The following FERMT2 variants were observed in gnomAD, a reference collection of about 807,000 sequenced individuals.
FERMT2 encodes fermitin family homolog 2.
FERMT2 carries 15 observed loss-of-function variants against 82.7 expected under a neutral mutation model. The observed-to-expected ratio is 0.18, with a 90% CI of 0.12 to 0.28. The LOEUF (loss-of-function observed/expected upper bound fraction) is 0.28, where lower values mean the gene tolerates loss of function less well. Among genes scored for constraint, FERMT2 ranks in the 10% least tolerant of loss-of-function variants. The probability of loss-of-function intolerance (pLI) is 1.00; values close to 1 mark genes in which losing one functional copy is unlikely to be tolerated. For missense variants in FERMT2, 645 were observed against 809.4 expected (o/e 0.80, Z 2.46); for synonymous variants, 274 against 271.5 (o/e 1.01, Z -0.09).
At chr14:52,889,920 G>A (rs1240425112) in intron 4 of FERMT2, among the ~76,000 whole-genome samples, 1 of 152,038 alleles carries the variant, frequency 6.6e-6, no homozygotes, top group Admixed American at 6.6e-5. Context: ...CTTGAGACCA[G>A]GAGTTCAAGA....
chr14:52,890,670 C>G (rs1317601487), intron 4 of FERMT2, among the ~76,000 whole-genome samples: 14 of 148,266 alleles, frequency 9.4e-5, no homozygotes, highest in Non-Finnish European at 2.1e-4. Context: ...GTGGCACAAT[C>G]TCGGCTCACT....
rs138839415 is a variant in FERMT2, at chr14:52,889,650, T to C, written c.526+3643A>G. On this transcript the variant is annotated intron_variant, in intron 4 of 14. Transcript: ENST00000341590. ...TCACTGTTGTATGAACATCATAGAG[T>C]GTACTCATACAGGCCTGGATGGTAT... is the stretch of plus-strand genomic sequence containing the variant. 1.5e-3 allele frequency among the ~76,000 whole-genome samples: 230 copies of C among 152,222 alleles called. 2 individuals carry two copies. Among genetic ancestry groups the C allele is most frequent in the African/African-American group, 5.3e-3 (221 of 41,534 alleles).
At chr14:52,930,425 T>C (rs1055108427) in intron 2 of FERMT2, among the ~76,000 whole-genome samples, 1 of 152,202 alleles carries the variant, frequency 6.6e-6, no homozygotes, top group Non-Finnish European at 1.5e-5. Flanking sequence ...AGCAACACTC[T>C]ACCTTACCAA....
chr14:52,927,492 C>T (rs936400429), intron 2 of FERMT2, among the ~76,000 whole-genome samples: 6 of 146,840 alleles, frequency 4.1e-5, no homozygotes, highest in Non-Finnish European at 5.9e-5. Flanking sequence ...GCCAGGCTCA[C>T]GTCTGTAATC....
At chr14:52,884,696 G>A (rs1228726553) in intron 4 of FERMT2, among the ~76,000 whole-genome samples, 2 of 151,736 alleles carry the variant, frequency 1.3e-5, no homozygotes, top group African/African-American at 4.8e-5. Flanking sequence ...CCCAATTGGT[G>A]TGCACCTATT....
chr14:52,881,798 T>G, intron 4 of FERMT2: 2 of 1,307,084 alleles, frequency 1.5e-6, no homozygotes, highest in Non-Finnish European at 2.0e-6. Flanking sequence ...AGGCTCACCT[T>G]TCAGAGGGCC....
chr14:52,885,822 A>G (rs560578750), intron 4 of FERMT2, among the ~76,000 whole-genome samples: 8 of 152,222 alleles, frequency 5.3e-5, no homozygotes, highest in African/African-American at 1.9e-4. Flanking sequence ...CTTATACCAT[A>G]TTTTATCAAA....
At chr14:52,915,209 T>C (rs1186044296) in intron 3 of FERMT2, among the ~76,000 whole-genome samples, 1 of 152,204 alleles carries the variant, frequency 6.6e-6, no homozygotes, top group Non-Finnish European at 1.5e-5. Context: ...AATGGTAAGA[T>C]CTACATAACA....
chr14:52,933,560 A>G (rs759317018), intron 2 of FERMT2, among the ~76,000 whole-genome samples: 2 of 151,702 alleles, frequency 1.3e-5, no homozygotes, highest in Non-Finnish European at 2.9e-5. Flanking sequence ...AAAATACAAA[A>G]TTAGCCGGGC....
chr14:52,920,187 GTTAT>G (rs1888875104), intron 2 of FERMT2, among the ~76,000 whole-genome samples: 1 of 152,116 alleles, frequency 6.6e-6, no homozygotes, highest in African/African-American at 2.4e-5. Context: ...ACTTCAACTA[GTTAT>G]TTATTTACTT....
At chr14:52,946,140 G>A (rs1244295761) in intron 2 of FERMT2, among the ~76,000 whole-genome samples, 1 of 152,104 alleles carries the variant, frequency 6.6e-6, no homozygotes, top group Non-Finnish European at 1.5e-5. Flanking sequence ...CTCCCAAAGT[G>A]CTGGGATTAG....
chr14:52,872,707 TA>T, intron 10 of FERMT2, 91 bp downstream of exon 10: 2 of 1,419,738 alleles, frequency 1.4e-6, no homozygotes, highest in Admixed American at 2.1e-5. Context: ...TTGATTTTTT[TA>T]AAAAACTTGT....
chr14:52,898,049 T>C (rs189822949), intron 3 of FERMT2, among the ~76,000 whole-genome samples: 2 of 151,840 alleles, frequency 1.3e-5, no homozygotes, highest in Admixed American at 1.3e-4. Flanking sequence ...TAACTAGGTT[T>C]TCATTTTGTT....
Position 52,859,706 on chromosome 14 carries a change from C to G in FERMT2, c.1736G>C (p.Gly579Ala), listed in dbSNP as rs1884783048. The G allele has an allele frequency of 6.3e-7, 1 of 1,581,246 alleles. No homozygotes were observed. The highest frequency in any genetic ancestry group is 1.2e-5 in the South Asian group (1 of 84,996). Residue 579 changes from glycine to alanine, a missense_variant, in exon 14 of 15, where the codon GGG (glycine) becomes GCG (alanine). By Grantham distance (60) the Gly-to-Ala change is moderately conservative. Transcript: ENST00000341590. Reference sequence around the variant, plus strand: ...TCCAATAAGTTCTTCTTTTTTGCCCCCTTGGAACCTATAACATTTAAGAAA... The same window carrying G: ...TCCAATAAGTTCTTCTTTTTTGCCCGCTTGGAACCTATAACATTTAAGAAA... ...GITHFIARFQ[G>A]GKKEELIGIA...
At chr14:52,901,841 C>T (rs529501310) in intron 3 of FERMT2, among the ~76,000 whole-genome samples, 9 of 152,354 alleles carry the variant, frequency 5.9e-5, no homozygotes, top group Middle Eastern at 3.4e-3. Flanking sequence ...AGGTGAGCCA[C>T]GTGTACACAC....
At chr14:52,899,254 G>A (rs898189344) in intron 3 of FERMT2, among the ~76,000 whole-genome samples, 1 of 151,938 alleles carries the variant, frequency 6.6e-6, no homozygotes, top group Non-Finnish European at 1.5e-5. Flanking sequence ...TTTTATATAA[G>A]TTCTGTAGGC....
At chr14:52,898,075 T>C (rs1271952835) in intron 3 of FERMT2, among the ~76,000 whole-genome samples, 2 of 151,696 alleles carry the variant, frequency 1.3e-5, no homozygotes, top group Non-Finnish European at 2.9e-5. Context: ...TTTTACAGGC[T>C]ATTTTCTGAT....
chr14:52,875,339 A>T lies in FERMT2; in HGVS notation c.982T>A (p.Ser328Thr). Residue 328 changes from serine (S) to threonine (T), a missense_variant, in exon 8 of 15, where the codon TCA (serine) becomes ACA (threonine). By Grantham distance (58) the Ser-to-Thr change is moderately conservative. Coordinates refer to ENST00000341590, the MANE Select transcript of FERMT2 (RefSeq NM_006832.3). Reference sequence around the variant, plus strand: ...AAATGATTCTCTGATGTCATGATTGACAGCTTATTGATATGATACTGAAAC... The same window carrying T: ...AAATGATTCTCTGATGTCATGATTGTCAGCTTATTGATATGATACTGAAAC... Reference protein sequence around the residue: ...AALQYHINKLSIMTSENHLNN... With the variant: ...AALQYHINKLTIMTSENHLNN... The T allele has an allele frequency of 3.1e-6, 5 of 1,605,866 alleles. No individual in the cohort carries two copies. Among genetic ancestry groups the T allele is most frequent in the Non-Finnish European group, 4.3e-6 (5 of 1,173,946 alleles).
chr14:52,877,028 T>A (rs1052960102), intron 7 of FERMT2, among the ~76,000 whole-genome samples: 1 of 152,198 alleles, frequency 6.6e-6, no homozygotes, highest in Admixed American at 6.6e-5. Flanking sequence ...TGTAGTGATA[T>A]GGAATGCCCA....
Sources: gnomAD v4.1 joint callset for allele counts (sites outside exome capture counted in the v4.1 genomes callset) on GRCh38, gnomAD v4.1.1 for gene constraint, MANE v1.5 for transcripts, NCBI Gene and HGNC (gene_info 2026-07-23, HGNC 2026-07-21) for gene names.